Variants in FMN2 observed in about 807,000 individuals in gnomAD.
FMN2 encodes the protein formin 2, also known as formin-2.
A neutral mutation model predicts 142.3 loss-of-function variants in FMN2; 51 were observed. The observed-to-expected ratio is 0.36, with a 90% CI of 0.29 to 0.45. The LOEUF is 0.45. Ranked by LOEUF, FMN2 falls within the 20% of genes least tolerant of loss-of-function variation. FMN2 has a pLI of 1.00. For synonymous variants in FMN2, 882 were observed against 869.8 expected (o/e 1.01, Z -0.25); for missense variants, 1,936 against 2,122.8 (o/e 0.91, Z 1.73).
chr1:240,286,139 C>T (rs1669582007), intron 7 of FMN2, among the ~76,000 whole-genome samples: 3 of 152,044 alleles, frequency 2.0e-5, no homozygotes. Flanking sequence ...TTCCTGGAGA[C>T]TTCCCATTTC....
intron 15 of FMN2, among the ~76,000 whole-genome samples, chr1:240,403,610 A>C (rs1022503170): frequency 2.6e-5 from 4 of 151,812 alleles, no homozygotes; most frequent in Non-Finnish European, 4.4e-5. Context: ...TTCAAAATAG[A>C]AGTCTTTTTT....
intron 15 of FMN2, among the ~76,000 whole-genome samples, chr1:240,416,833 C>T (rs796632799): frequency 1.7e-4 from 25 of 150,890 alleles, no homozygotes; most frequent in African/African-American, 6.1e-4. Context: ...TCTCTTATTT[C>T]TGCATCCTGT....
At chr1:240,357,650 C>T (rs1423670589) in intron 14 of FMN2, among the ~76,000 whole-genome samples, 17 of 150,594 alleles carry the variant, frequency 1.1e-4, no homozygotes, top group East Asian at 2.0e-4. Context: ...GCACTGTTAC[C>T]GGGCTGATGT....
chr1:240,254,092 C>T (rs1321653327), intron 6 of FMN2, among the ~76,000 whole-genome samples: 1 of 152,058 alleles, frequency 6.6e-6, no homozygotes, highest in East Asian at 1.9e-4. Flanking sequence ...CTCCAGGTGG[C>T]TTGCTTGGGT....
chr1:240,210,783 C>T (rs543187609), intron 5 of FMN2, among the ~76,000 whole-genome samples: 2 of 152,064 alleles, frequency 1.3e-5, no homozygotes, highest in African/African-American at 4.8e-5. Context: ...CATTTCTTGC[C>T]TCCCTAGCCC....
chr1:240,116,130 T>TG (rs1304558429), intron 1 of FMN2, among the ~76,000 whole-genome samples: 4 of 152,098 alleles, frequency 2.6e-5, no homozygotes, highest in African/African-American at 7.2e-5. Flanking sequence ...TTGGTTTTGG[T>TG]GGGTTTTGGC....
At chr1:240,431,421 T>TAG (rs1558487513) in intron 15 of FMN2, among the ~76,000 whole-genome samples, 1 of 146,432 alleles carries the variant, frequency 6.8e-6, no homozygotes, top group Non-Finnish European at 1.5e-5. Flanking sequence ...TATATATATA[T>TAG]ATACATATAT....
intron 3 of FMN2, among the ~76,000 whole-genome samples, chr1:240,182,266 T>A (rs1665184868): frequency 6.6e-6 from 1 of 152,136 alleles, no homozygotes; most frequent in Non-Finnish European, 1.5e-5. Context: ...GGTGTGTAGA[T>A]GTGAATAGGG....
intron 11 of FMN2, 90 bp from the exon 12 acceptor site, chr1:240,333,797 T>C: frequency 1.0e-6 from 1 of 967,860 alleles, no homozygotes; most frequent in Non-Finnish European, 1.5e-6. Context: ...CTCATGTATA[T>C]ACATGAATTC....
chr1:240,221,026 GTC>G (rs921249253), intron 6 of FMN2, among the ~76,000 whole-genome samples: 2 of 152,116 alleles, frequency 1.3e-5, no homozygotes, highest in Admixed American at 1.3e-4. Flanking sequence ...CTTCATCCAT[GTC>G]TCTGCAAAGG....
At chr1:240,244,844 A>T (rs1480910125) in intron 6 of FMN2, among the ~76,000 whole-genome samples, 1 of 152,200 alleles carries the variant, frequency 6.6e-6, no homozygotes, top group Non-Finnish European at 1.5e-5. Context: ...TTGGTTGTCT[A>T]ACCATTTTTC....
At chr1:240,255,189 A>G (rs1668409578) in intron 6 of FMN2, among the ~76,000 whole-genome samples, 1 of 152,058 alleles carries the variant, frequency 6.6e-6, no homozygotes, top group South Asian at 2.1e-4. Context: ...AGACTGCCCC[A>G]CTTCCCTCTT....
chr1:240,367,723 A>C (rs530300114), intron 14 of FMN2, among the ~76,000 whole-genome samples: 3 of 144,406 alleles, frequency 2.1e-5, no homozygotes, highest in Non-Finnish European at 3.0e-5. Flanking sequence ...AGCCGAGATC[A>C]CGCCACTGCA....
At chr1:240,279,759 AAAGT>A (rs1283394787) in intron 7 of FMN2, among the ~76,000 whole-genome samples, 27 of 133,628 alleles carry the variant, frequency 2.0e-4, no homozygotes, top group African/African-American at 7.3e-4. Flanking sequence ...AGGAAACATT[AAAGT>A]AATTTTTACA....
chr1:240,173,464 A>G (rs1664792040), intron 2 of FMN2, among the ~76,000 whole-genome samples: 1 of 152,170 alleles, frequency 6.6e-6, no homozygotes, highest in African/African-American at 2.4e-5. Context: ...GTGGCCTTTC[A>G]GCAGAGGTGG....
intron 13 of FMN2, among the ~76,000 whole-genome samples, chr1:240,349,722 C>G (rs1329081005): frequency 9.9e-5 from 15 of 152,196 alleles, no homozygotes; most frequent in Admixed American, 9.8e-4. Context: ...TGCATGCTTT[C>G]TGATACTAGC....
chr1:240,255,746 A>G (rs1668432587), intron 6 of FMN2, among the ~76,000 whole-genome samples: 1 of 152,160 alleles, frequency 6.6e-6, no homozygotes, highest in South Asian at 2.1e-4. Context: ...TATGTGTGTC[A>G]TTTTAGACAT....
At chr1:240,108,272 C>T (rs2103189207) in intron 1 of FMN2, among the ~76,000 whole-genome samples, 1 of 152,284 alleles carries the variant, frequency 6.6e-6, no homozygotes. Flanking sequence ...TTCTTTGAGA[C>T]AACCCTAGAT....
intron 1 of FMN2, among the ~76,000 whole-genome samples, chr1:240,116,485 G>C (rs1207302168): frequency 6.6e-6 from 1 of 152,186 alleles, no homozygotes; most frequent in Non-Finnish European, 1.5e-5. Flanking sequence ...AATGGCTAGC[G>C]AGTTAGAGAA....
Sources: allele counts gnomAD v4.1 joint callset (sites outside exome capture counted in the v4.1 genomes callset), GRCh38; gene constraint gnomAD v4.1.1; transcripts MANE v1.5; gene names NCBI Gene and HGNC (gene_info 2026-07-23, HGNC 2026-07-21).